Variants in LUZP2 observed in about 807,000 individuals in gnomAD.
LUZP2 encodes the protein leucine zipper protein 2.
A neutral mutation model predicts 51.6 loss-of-function variants in LUZP2; 52 were observed. The observed-to-expected ratio is 1.01, with a 90% CI of 0.81 to 1.27. The LOEUF is 1.27. Among genes scored for constraint, LUZP2 ranks in the 50% most tolerant of loss-of-function variants. The pLI is 0.00. For missense variants in LUZP2, 436 were observed against 395.4 expected, an observed-to-expected ratio of 1.10 and a Z score of -0.87; for synonymous variants, 154 against 137.3, an observed-to-expected ratio of 1.12 and a Z score of -0.85.
chr11:24,931,737 T>C (rs960051724), intron 7 of LUZP2, among the ~76,000 whole-genome samples: 4 of 152,242 alleles, frequency 2.6e-5, no homozygotes, highest in Non-Finnish European at 5.9e-5. Context: ...TTTCTGGCAA[T>C]TCAGAGATTT....
At chr11:25,076,068 A>C (rs1263413519) in intron 10 of LUZP2, among the ~76,000 whole-genome samples, 1 of 152,140 alleles carries the variant, frequency 6.6e-6, no homozygotes, top group Non-Finnish European at 1.5e-5. Context: ...GTTGGAGTGC[A>C]GTGGCATGAT....
At chr11:24,960,505 T>C (rs1855360463) in intron 7 of LUZP2, among the ~76,000 whole-genome samples, 1 of 152,200 alleles carries the variant, frequency 6.6e-6, no homozygotes, top group Non-Finnish European at 1.5e-5. Context: ...ATTTATCCAT[T>C]TCTTCTAGAT....
intron 5 of LUZP2, among the ~76,000 whole-genome samples, chr11:24,851,563 T>G (rs1851395386): frequency 6.6e-6 from 1 of 152,154 alleles, no homozygotes; most frequent in Admixed American, 6.6e-5. Flanking sequence ...CCTGAAATTT[T>G]CTTTGTTTTT....
intron 5 of LUZP2, among the ~76,000 whole-genome samples, chr11:24,765,824 C>T (rs1860169912): frequency 6.6e-6 from 1 of 151,962 alleles, no homozygotes. Context: ...GACAGGGTTT[C>T]ACTGTGTTAG....
chr11:24,585,355 A>G (rs534412912), intron 1 of LUZP2, among the ~76,000 whole-genome samples: 2 of 152,334 alleles, frequency 1.3e-5, no homozygotes, highest in South Asian at 2.1e-4. Flanking sequence ...GCCATCAGCC[A>G]GAATTCAGAA....
intron 7 of LUZP2, among the ~76,000 whole-genome samples, chr11:24,920,290 G>A (rs1590731808): frequency 6.6e-6 from 1 of 151,948 alleles, no homozygotes; most frequent in Non-Finnish European, 1.5e-5. Context: ...TAGTGGCTTA[G>A]TTAAATTACT....
At chr11:24,786,155 T>C (rs1849239094) in intron 5 of LUZP2, 3 of 984,990 alleles carry the variant, frequency 3.0e-6, no homozygotes, top group Non-Finnish European at 3.6e-6. Context: ...TTGTAAAATA[T>C]ATGTCTCAGG....
chr11:24,965,080 A>G (rs1565168323), intron 7 of LUZP2, among the ~76,000 whole-genome samples: 1 of 151,494 alleles, frequency 6.6e-6, no homozygotes, highest in South Asian at 2.1e-4. Flanking sequence ...GATTCCCAAG[A>G]TTAATATAAG....
At chr11:24,615,288 T>C (rs750625940) in intron 1 of LUZP2, among the ~76,000 whole-genome samples, 13 of 151,966 alleles carry the variant, frequency 8.6e-5, no homozygotes, top group Non-Finnish European at 1.6e-4. Context: ...TGCTTTTTTA[T>C]AGCCATACCA....
At chr11:24,922,470 A>T (rs1196101348) in intron 7 of LUZP2, among the ~76,000 whole-genome samples, 1 of 152,152 alleles carries the variant, frequency 6.6e-6, no homozygotes, top group Non-Finnish European at 1.5e-5. Context: ...ATTTTTGTGC[A>T]TCTGTCTCAT....
intron 5 of LUZP2, among the ~76,000 whole-genome samples, chr11:24,816,916 G>A (rs145670709): frequency 1.7e-3 from 256 of 151,988 alleles, no homozygotes; most frequent in African/African-American, 5.3e-3. Context: ...CATTTTGGCC[G>A]AAACCAAGCA....
intron 1 of LUZP2, among the ~76,000 whole-genome samples, chr11:24,725,132 C>T (rs1163565879): frequency 6.6e-6 from 1 of 151,894 alleles, no homozygotes; most frequent in Non-Finnish European, 1.5e-5. Context: ...TCAGAAGAAA[C>T]AAAAGAGAAC....
At chr11:24,857,558 T>C (rs1326506435) in intron 5 of LUZP2, among the ~76,000 whole-genome samples, 1 of 88,330 alleles carries the variant, frequency 1.1e-5, no homozygotes, top group Non-Finnish European at 2.4e-5. Flanking sequence ...ATATCCAAAA[T>C]AGGTCTTTTT....
chr11:24,817,652 T>G (rs1304571309), intron 5 of LUZP2, among the ~76,000 whole-genome samples: 1 of 152,054 alleles, frequency 6.6e-6, no homozygotes, highest in East Asian at 1.9e-4. Context: ...TTTACTTTCC[T>G]CGAAGTAGAT....
At chr11:24,909,192 C>T (rs1356353254) in intron 6 of LUZP2, among the ~76,000 whole-genome samples, 1 of 151,674 alleles carries the variant, frequency 6.6e-6, no homozygotes, top group Non-Finnish European at 1.5e-5. Context: ...AAAATCTAGT[C>T]ATTCAAGGCC....
intron 9 of LUZP2, among the ~76,000 whole-genome samples, chr11:24,997,270 T>C (rs1327936516): frequency 1.3e-5 from 2 of 152,260 alleles, no homozygotes; most frequent in Admixed American, 6.5e-5. Context: ...CCACATCCTC[T>C]CCAGCACTTG....
chr11:24,997,549 T>G (rs1400741582), intron 9 of LUZP2, among the ~76,000 whole-genome samples: 1 of 152,224 alleles, frequency 6.6e-6, no homozygotes, highest in Admixed American at 6.5e-5. Context: ...GTTGCGAAAA[T>G]GTTCTCCCAT....
chr11:24,522,470 A>G (rs886208654), intron 1 of LUZP2, among the ~76,000 whole-genome samples: 3 of 152,124 alleles, frequency 2.0e-5, no homozygotes, highest in Non-Finnish European at 4.4e-5. Context: ...CAAGTCTTGC[A>G]TGTATGAACC....
chr11:24,968,974 C>T (rs1855669522), intron 7 of LUZP2, among the ~76,000 whole-genome samples: 3 of 152,282 alleles, frequency 2.0e-5, no homozygotes, highest in Non-Finnish European at 4.4e-5. Context: ...TCATCTCTGA[C>T]ATGTCTAGAA....
Sources: allele counts gnomAD v4.1 joint callset (sites outside exome capture counted in the v4.1 genomes callset), GRCh38; gene constraint gnomAD v4.1.1; transcripts MANE v1.5; gene names NCBI Gene and HGNC (gene_info 2026-07-23, HGNC 2026-07-21).